OR7A17: variants seen among roughly 807,000 people sequenced by gnomAD.
OR7A17 encodes olfactory receptor 7A17.
For missense variants in OR7A17, 366 were observed against 365.5 expected (o/e 1.00, Z -0.01); for synonymous variants, 159 against 142.1 (o/e 1.12, Z -0.85).
Position 14,881,243 on chromosome 19 carries a change from G to T in OR7A17, c.113C>A (p.Thr38Asn), listed in dbSNP as rs2045109593. Residue 38 changes from threonine (T) to asparagine (N), a missense_variant, in exon 3 of 3, where the codon ACT (threonine) becomes AAT (asparagine). Coordinates refer to ENST00000641113, the MANE Select transcript of OR7A17 (RefSeq NM_030901.2). ...GATGATGAGCAGATTCCCGAGCACAGTGACCAGGTACATGGACAGAAACAG... is the reference window on the plus strand; with the variant it reads ...GATGATGAGCAGATTCCCGAGCACATTGACCAGGTACATGGACAGAAACAG... ...FGLFLSMYLV[T>N]VLGNLLIILA... 1 of 1,614,070 alleles carries T rather than the reference G, an allele frequency of 6.2e-7. No individual in the cohort carries two copies. The highest frequency in any genetic ancestry group is 1.3e-5 in the African/African-American group (1 of 75,002).
chr19:14,880,717 C>A lies in OR7A17; in HGVS notation c.639G>T (p.Gly213=). The A allele has an allele frequency of 1.2e-6, 2 of 1,614,220 alleles. No individual in the cohort carries two copies. Among genetic ancestry groups the A allele is most frequent in the Non-Finnish European group, 1.7e-6 (2 of 1,180,040 alleles). The change falls in exon 3 of 3, where the codon GGG becomes GGT. Residue 213 remains glycine (G), a synonymous_variant. Coordinates refer to ENST00000641113, the MANE Select transcript of OR7A17 (RefSeq NM_030901.2). Reference sequence around the variant, plus strand: ...CTATCTTAGAGTAAGAGCAAAGGATCCCCACAAGGGGACCACCAGCCAGCA... The same window carrying A: ...CTATCTTAGAGTAAGAGCAAAGGATACCCACAAGGGGACCACCAGCCAGCA... The part of the protein sequence containing the change: ...AGLLAGGPLV[G]ILCSYSKIVS...
rs1234435023 is a variant in OR7A17 at position 14,880,544 on chromosome 19, C to T, written c.812G>A (p.Ser271Asn). 1 of 1,614,092 alleles carries T rather than the reference C, an allele frequency of 6.2e-7. No individual in the cohort carries two copies. The highest frequency in any genetic ancestry group is 1.7e-5 in the Admixed American group (1 of 60,012). Reference protein sequence around the residue: ...TSAATHNSHTSATASVMYTVA... With the variant: ...TSAATHNSHTNATASVMYTVA... Reference sequence around the variant, plus strand: ...AGTGTACATCACTGAGGCTGTTGCACTTGTGTGTGAGTTGTGGGTTGCAGC... The same window carrying T: ...AGTGTACATCACTGAGGCTGTTGCATTTGTGTGTGAGTTGTGGGTTGCAGC... Residue 271 changes from serine to asparagine, a missense_variant, in exon 3 of 3, where the codon AGT (serine) becomes AAT (asparagine). Coordinates refer to ENST00000641113, the MANE Select transcript of OR7A17 (RefSeq NM_030901.2).
Position 14,880,509 on chromosome 19 carries a change from G to C in OR7A17, c.847C>G (p.Pro283Ala). The change falls in exon 3 of 3, where the codon CCC becomes GCC. Residue 283 changes from proline (P) to alanine (A), a missense_variant. By Grantham distance (27) the Pro-to-Ala change is conservative (BLOSUM62 -1). Coordinates refer to ENST00000641113, the MANE Select transcript of OR7A17 (RefSeq NM_030901.2). ...CTGTAGATAAAGGGGTTCAGCATGG[G>C]GGTGGCCACAGTGTACATCACTGAG... ...TASVMYTVAT[P>A]MLNPFIYSLR... is the part of the protein sequence containing the mutation. The C allele has an allele frequency of 1.2e-6, 2 of 1,614,090 alleles. No homozygotes were observed. The highest frequency in any genetic ancestry group is 1.7e-6 in the Non-Finnish European group (2 of 1,179,978).
chr19:14,883,083 A>G (rs555556767), intron 1 of OR7A17, among the ~76,000 whole-genome samples: 50 of 152,176 alleles, frequency 3.3e-4, no homozygotes, highest in Non-Finnish European at 4.4e-4. Context: ...TGACAGTCCT[A>G]TGGAATTGCA....
Position 14,880,243 on chromosome 19 carries a change from A to T in OR7A17, c.*183T>A. On this transcript the variant is annotated 3_prime_UTR_variant, in exon 3 of 3. Transcript: ENST00000641113. ...AAAAAAAAAAAAGATTGGATATCAG[A>T]GAGCGGAAAGCTTTATAAAGGAATA... 5.8e-6 allele frequency: 2 copies of T among 343,694 alleles called. No individual in the cohort carries two copies. The highest frequency in any genetic ancestry group is 1.0e-5 in the Non-Finnish European group (2 of 195,846). The allele number at this position is 343,694 out of a possible 1,614,324, so 21.3% of individuals were successfully genotyped here.
chr19:14,885,324 A>G (rs1007027133), intron 1 of OR7A17, among the ~76,000 whole-genome samples: 4 of 152,196 alleles, frequency 2.6e-5, no homozygotes, highest in African/African-American at 9.7e-5. Context: ...ATACAAAGAG[A>G]GGAAGTCAAA....
At position 14,881,116 on chromosome 19, in the gene OR7A17, C is replaced by G. The variant is rs530154774; in HGVS notation, c.240G>C (p.Lys80Asn). 1 of 1,614,136 alleles carries G rather than the reference C, an allele frequency of 6.2e-7. No individual in the cohort carries two copies. The highest frequency in any genetic ancestry group is 1.1e-5 in the South Asian group (1 of 91,088). Residue 80 changes from lysine to asparagine, a missense_variant, in exon 3 of 3, where the codon AAG (lysine) becomes AAC (asparagine). Coordinates refer to ENST00000641113, the MANE Select transcript of OR7A17 (RefSeq NM_030901.2). ...TCTGTGTCTGGATGTTAATGAGCAT[C>G]TTTGGGATTGTAGTGGAGATGAAAC... ...DICFISTTIP[K>N]MLINIQTQSR...
chr19:14,879,135 A>C lies in OR7A17; in HGVS notation c.*1291T>G, dbSNP rs936008101. 3 of 152,152 alleles carry C rather than the reference A, an allele frequency of 2.0e-5. No individual in the cohort carries two copies. Among genetic ancestry groups the C allele is most frequent in the African/African-American group, 7.2e-5 (3 of 41,440 alleles). 9.4% of individuals were successfully genotyped at this position (152,152 alleles called of 1,614,324 possible). On this transcript the variant is annotated 3_prime_UTR_variant, in exon 3 of 3. Coordinates refer to ENST00000641113, the MANE Select transcript of OR7A17 (RefSeq NM_030901.2). ...CACCCCATTAAGCATTTATTCTTTCAGTTATGAATAAATTTTTTAATCCAT... is the reference window on the plus strand; with the variant it reads ...CACCCCATTAAGCATTTATTCTTTCCGTTATGAATAAATTTTTTAATCCAT...
At position 14,881,407 on chromosome 19, in the gene OR7A17, A is replaced by ATTT; in HGVS notation, c.-53_-52insAAA. On this transcript the variant is annotated 5_prime_UTR_variant, in exon 3 of 3. It introduces an in-frame stop codon into an upstream open reading frame of the 5' UTR. Coordinates refer to ENST00000641113, the MANE Select transcript of OR7A17 (RefSeq NM_030901.2). ...TTATTTATTTATTTATTTATTTATT[A>ATTT]ACATAGACAGGGTCTCTCACTCTGT... is the stretch of plus-strand genomic sequence containing the variant. The ATTT allele has an allele frequency of 3.3e-6, 3 of 896,736 alleles. No individual in the cohort carries two copies. The Admixed American group carries it at 1.6e-4, about 48-fold the overall frequency. 55.5% of individuals were successfully genotyped at this position (896,736 alleles called of 1,614,324 possible).
intron 1 of OR7A17, among the ~76,000 whole-genome samples, chr19:14,883,481 A>T (rs528104459): frequency 6.6e-6 from 1 of 152,134 alleles, no homozygotes; most frequent in South Asian, 2.1e-4. Flanking sequence ...TGCACACACT[A>T]TGATAACTGT....
At position 14,880,991 on chromosome 19, in the gene OR7A17, C is replaced by T. The variant is rs756134835; in HGVS notation, c.365G>A (p.Arg122Gln). 6.2e-6 allele frequency: 10 copies of T among 1,614,000 alleles called. No individual in the cohort carries two copies. Among genetic ancestry groups the T allele is most frequent in the African/African-American group, 2.7e-5 (2 of 74,892 alleles). Residue 122 changes from arginine to glutamine, a missense_variant, in exon 3 of 3, where the codon CGG (arginine) becomes CAG (glutamine). By Grantham distance (43) the Arg-to-Gln change is conservative. Transcript: ENST00000641113. ...CAGAGGATGACAGATGGCCACAAAC[C>T]GATCATAGGCCATCACAGCCAGGAG... ...SLLLAVMAYD[R>Q]FVAICHPLHY...
chr19:14,878,540 G>C lies in OR7A17; in HGVS notation c.*1886C>G, dbSNP rs562877107. The C allele has an allele frequency of 6.6e-6, 1 of 152,316 alleles. No homozygotes were observed. Among genetic ancestry groups the C allele is most frequent in the South Asian group, 2.1e-4 (1 of 4,834 alleles). 9.4% of individuals were successfully genotyped at this position (152,316 alleles called of 1,614,324 possible). On this transcript the variant is annotated 3_prime_UTR_variant, in exon 3 of 3. Coordinates refer to ENST00000641113, the MANE Select transcript of OR7A17 (RefSeq NM_030901.2). ...CACTGTAAATTTTTAAGCAGAAACA[G>C]TAAAATGATATAATGAAATTACATA...
rs73011254 is a variant in OR7A17 at position 14,884,067 on chromosome 19, G to A, written c.-295+1874C>T. On this transcript the variant is annotated intron_variant, in intron 1 of 2. Coordinates refer to ENST00000641113, the MANE Select transcript of OR7A17 (RefSeq NM_030901.2). The stretch of plus-strand genomic sequence containing the variant: ...AGCTATCTACCTGGGAGAAAATGAA[G>A]TGTGTCTCCCGACTCACATTTTACA... Among the ~76,000 whole-genome samples the A allele has an allele frequency of 9.1e-3, 1,387 of 152,114 alleles. 14 individuals carry two copies. The highest frequency in any genetic ancestry group is 0.024 in the Admixed American group (368 of 15,274).
intron 1 of OR7A17, among the ~76,000 whole-genome samples, chr19:14,883,582 T>C (rs751539157): frequency 2.0e-5 from 3 of 152,260 alleles, no homozygotes; most frequent in South Asian, 2.1e-4. Context: ...CTTTGTCTTC[T>C]CTGTTATAAT....
chr19:14,884,448 A>G (rs1185232741), intron 1 of OR7A17, among the ~76,000 whole-genome samples: 1 of 152,028 alleles, frequency 6.6e-6, no homozygotes, highest in East Asian at 1.9e-4. Flanking sequence ...AAAAAAGTTA[A>G]CGATCCCAAA....
In OR7A17 at chr19:14,881,270, C is replaced by A. The variant is rs747669030; in HGVS notation, c.86G>T (p.Gly29Val). The A allele has an allele frequency of 1.2e-6, 2 of 1,613,098 alleles. No individual in the cohort carries two copies. Among genetic ancestry groups the A allele is most frequent in the Non-Finnish European group, 1.7e-6 (2 of 1,179,604 alleles). Reference sequence around the variant, plus strand: ...GACCAGGTACATGGACAGAAACAGCCCAAAGAGGAAGGGCTGCAATTCTGG... The same window carrying A: ...GACCAGGTACATGGACAGAAACAGCACAAAGAGGAAGGGCTGCAATTCTGG... Reference protein sequence around the residue: ...EEPELQPFLFGLFLSMYLVTV... With the variant: ...EEPELQPFLFVLFLSMYLVTV... Residue 29 changes from glycine to valine, a missense_variant, in exon 3 of 3, where the codon GGG becomes GTG. By Grantham distance (109) the Gly-to-Val change is moderately radical. Coordinates refer to ENST00000641113, the MANE Select transcript of OR7A17 (RefSeq NM_030901.2).
Position 14,881,138 on chromosome 19 carries a change from A to G in OR7A17, c.218T>C (p.Phe73Ser). 1.2e-6 allele frequency: 2 copies of G among 1,614,156 alleles called. No individual in the cohort carries two copies. Among genetic ancestry groups the G allele is most frequent in the Admixed American group, 1.7e-5 (1 of 60,018 alleles). ...LSNLSFADIC[F>S]ISTTIPKMLI... ...CATCTTTGGGATTGTAGTGGAGATG[A>G]AACAGATGTCTGCAAAGGACAGGTT... The change falls in exon 3 of 3, where the codon TTC becomes TCC. Residue 73 changes from phenylalanine (F) to serine (S), a missense_variant. By Grantham distance (155) the Phe-to-Ser change is radical. Transcript: ENST00000641113.
intron 1 of OR7A17, 131 bp downstream of exon 1, chr19:14,885,810 G>A (rs1262535249): frequency 6.6e-6 from 1 of 152,150 alleles, no homozygotes; most frequent in Non-Finnish European, 1.5e-5. Flanking sequence ...AGCCCGTATA[G>A]CCAAGACATT....
chr19:14,880,753 A>G lies in OR7A17; in HGVS notation c.603T>C (p.Phe201=), dbSNP rs2045104236. 1 of 1,614,132 alleles carries G rather than the reference A, an allele frequency of 6.2e-7. No homozygotes were observed. The highest frequency in any genetic ancestry group is 2.2e-5 in the East Asian group (1 of 44,896). Residue 201 remains phenylalanine (F), a synonymous_variant, in exon 3 of 3, where the codon TTT becomes TTC. Transcript: ENST00000641113. ...GACCACCAGCCAGCAGCCCTGCTGC[A>G]AAATACATCCCCATGTCATTAAGAA... ...DTFLNDMGMY[F]AAGLLAGGPL...
Sources: allele counts gnomAD v4.1 joint callset (sites outside exome capture counted in the v4.1 genomes callset), GRCh38; gene constraint gnomAD v4.1.1; transcripts MANE v1.5; gene names NCBI Gene and HGNC (gene_info 2026-07-23, HGNC 2026-07-21).